The following STOX2 variants were observed in gnomAD, a reference collection of about 807,000 sequenced individuals.
The protein encoded by STOX2 is storkhead box 2.
Under a neutral mutation model 60.9 loss-of-function variants are expected in STOX2, and 28 were observed. That is an observed-to-expected ratio of 0.46 (90% CI 0.34 to 0.63). The LOEUF (loss-of-function observed/expected upper bound fraction) is 0.63. Among genes scored for constraint, STOX2 ranks in the 30% least tolerant of loss-of-function variants. STOX2 has a pLI of 0.01. For missense variants in STOX2, 1,024 were observed against 1,187.7 expected, an observed-to-expected ratio of 0.86 and a Z score of 2.03; for synonymous variants, 472 against 463.9, an observed-to-expected ratio of 1.02 and a Z score of -0.22.
intron 1 of STOX2, among the ~76,000 whole-genome samples, chr4:183,805,368 G>T (rs893421280): frequency 7.9e-5 from 12 of 152,122 alleles, no homozygotes; most frequent in African/African-American, 2.7e-4. Flanking sequence ...CTAACGATAT[G>T]GTCTATAGTT....
chr4:183,833,797 A>T (rs1358079194), intron 1 of STOX2, among the ~76,000 whole-genome samples: 3 of 148,294 alleles, frequency 2.0e-5, no homozygotes, highest in Non-Finnish European at 4.5e-5. Context: ...CCCGGCTAAA[A>T]ACGGTGAAAC....
rs34402224 is a variant in STOX2 at position 184,009,136 on chromosome 4, GT to G, written c.320-4del. The G allele has an allele frequency of 0.034, 24,286 of 709,230 alleles. 154 individuals carry two copies. The highest frequency in any genetic ancestry group is 0.11 in the African/African-American group (5,850 of 53,180). The allele number at this position is 709,230 out of a possible 1,614,324, so 43.9% of individuals were successfully genotyped here. A position where few individuals can be genotyped will look rare whatever the true frequency, so the allele number is the denominator to read the frequency against. The stretch of plus-strand genomic sequence containing the variant: ...TGTTCTGTCTTCATTCTCACAAGTG[GT>G]TTTTTTTTTTTTTTTTTCAGGTGTT... On this transcript the variant is annotated intron_variant, in intron 2 of 3. Coordinates refer to ENST00000308497, the MANE Select transcript of STOX2 (RefSeq NM_020225.3). The surrounding 1 kb of genome is among the most constrained non-coding windows in gnomAD (Gnocchi z 4.0).
intron 1 of STOX2, among the ~76,000 whole-genome samples, chr4:183,878,153 AC>A (rs906199929): frequency 3.3e-5 from 5 of 152,184 alleles, no homozygotes; most frequent in African/African-American, 1.2e-4. Context: ...TGTGATTTGC[AC>A]CCAGGAGATC....
intron 1 of STOX2, among the ~76,000 whole-genome samples, chr4:183,941,494 G>A (rs1221723072): frequency 2.0e-5 from 3 of 152,180 alleles, no homozygotes; most frequent in Admixed American, 6.5e-5. Flanking sequence ...CTTGAACACG[G>A]GAGGCAGAGG....
intron 1 of STOX2, among the ~76,000 whole-genome samples, chr4:183,946,100 C>T (rs896342564): frequency 3.9e-5 from 6 of 152,128 alleles, no homozygotes; most frequent in Non-Finnish European, 7.4e-5. Context: ...TGTTCTAAAA[C>T]AAATAAATAC....
chr4:183,824,765 T>C (rs1250820935), intron 1 of STOX2, among the ~76,000 whole-genome samples: 1 of 152,166 alleles, frequency 6.6e-6, no homozygotes, highest in Non-Finnish European at 1.5e-5. Flanking sequence ...CTAGGCGCCA[T>C]GGGAGAGGCA....
chr4:183,820,117 G>T (rs762065593), intron 1 of STOX2, among the ~76,000 whole-genome samples: 24 of 152,168 alleles, frequency 1.6e-4, no homozygotes, highest in Non-Finnish European at 2.2e-4. Context: ...AAGAGATGGG[G>T]TTTCACCATG....
At chr4:183,800,160 TA>T (rs1738727101) in intron 1 of STOX2, among the ~76,000 whole-genome samples, 1 of 150,372 alleles carries the variant, frequency 6.7e-6, no homozygotes, top group Non-Finnish European at 1.5e-5. Context: ...TTATCTACTA[TA>T]AAAATTCTCA....
rs572640014 is a variant in STOX2 at position 183,937,593 on chromosome 4, A to G, written c.166+30637A>G. Among the ~76,000 whole-genome samples the G allele has an allele frequency of 3.3e-5, 5 of 152,260 alleles. No homozygotes were observed. The East Asian group carries it at 9.7e-4, about 29-fold the overall frequency. ...AACACCAATAGCAGTTTGATATTTC[A>G]CCAACATCCAAGCTCATGATCAGTG... On this transcript the variant is annotated intron_variant, in intron 1 of 3. Transcript: ENST00000308497.
chr4:183,939,220 T>G (rs919559477), intron 1 of STOX2, among the ~76,000 whole-genome samples: 1 of 152,208 alleles, frequency 6.6e-6, no homozygotes, highest in Non-Finnish European at 1.5e-5. Flanking sequence ...TGAAGTGTAT[T>G]CTCTCACAGT....
At chr4:183,934,673 T>C (rs1742537644) in intron 1 of STOX2, among the ~76,000 whole-genome samples, 1 of 152,226 alleles carries the variant, frequency 6.6e-6, no homozygotes, top group African/African-American at 2.4e-5. Flanking sequence ...CCTTTTTTTT[T>C]CAAACAACAA....
At chr4:183,798,126 T>G (rs1489697873) in intron 1 of STOX2, 1 of 1,198,644 alleles carries the variant, frequency 8.3e-7, no homozygotes, top group Non-Finnish European at 1.0e-6. Flanking sequence ...CGGTCGCGGG[T>G]GCCCCGCCCT....
chr4:183,842,929 C>T (rs1401444782), intron 1 of STOX2, among the ~76,000 whole-genome samples: 2 of 151,682 alleles, frequency 1.3e-5, no homozygotes, highest in African/African-American at 4.8e-5. Flanking sequence ...GCGGGTGGAT[C>T]ACAAGGTCAG....
rs534104573 is a variant in STOX2, at chr4:184,012,227, G to T, written c.2585+804G>T. Among the ~76,000 whole-genome samples the T allele has an allele frequency of 2.0e-5, 3 of 152,314 alleles. No homozygotes were observed. The South Asian group carries it at 6.2e-4, about 32-fold the overall frequency. On this transcript the variant is annotated intron_variant, in intron 3 of 3. Coordinates refer to ENST00000308497, the MANE Select transcript of STOX2 (RefSeq NM_020225.3). ...GGATTCAGAAAGCAAACAAGAGTCT[G>T]TGCAACTTCCTTTTTTCTTCTTAAC...
At chr4:183,923,993 C>T (rs1009801141) in intron 1 of STOX2, among the ~76,000 whole-genome samples, 1 of 152,214 alleles carries the variant, frequency 6.6e-6, no homozygotes, top group Non-Finnish European at 1.5e-5. Context: ...TAAGCAGATA[C>T]ACATGTTAGC....
chr4:183,898,770 G>A, intron 1 of STOX2, among the ~76,000 whole-genome samples: 1 of 152,158 alleles, frequency 6.6e-6, no homozygotes, highest in Non-Finnish European at 1.5e-5. Context: ...TGGCAAGCAT[G>A]AAACCAAATA....
chr4:183,895,972 G>A lies in STOX2; in HGVS notation c.364+97917G>A, dbSNP rs537942894. On this transcript the variant is annotated intron_variant, in intron 1 of 2. Coordinates refer to the STOX2 transcript ENST00000513034. Reference sequence around the variant, plus strand: ...AAAGTCTTTCAGAGAACTGACCTGGGTTTGAATCCTGCAAGCAGGATACAT... The same window carrying A: ...AAAGTCTTTCAGAGAACTGACCTGGATTTGAATCCTGCAAGCAGGATACAT... Among the ~76,000 whole-genome samples, 3 of 152,300 alleles carry A rather than the reference G, an allele frequency of 2.0e-5. No homozygotes were observed. In the South Asian group the frequency reaches 6.2e-4, roughly 32 times the overall value.
At chr4:183,870,233 T>C (rs1342336651) in intron 1 of STOX2, among the ~76,000 whole-genome samples, 1 of 152,228 alleles carries the variant, frequency 6.6e-6, no homozygotes, top group Non-Finnish European at 1.5e-5. Context: ...TTTGGGAACT[T>C]GCGCGACATT....
At chr4:184,012,227 G>A (rs534104573) in intron 3 of STOX2, among the ~76,000 whole-genome samples, 1 of 152,196 alleles carries the variant, frequency 6.6e-6, no homozygotes, top group Non-Finnish European at 1.5e-5. Flanking sequence ...ACAAGAGTCT[G>A]TGCAACTTCC....
Sources: gnomAD v4.1 joint callset for allele counts (sites outside exome capture counted in the v4.1 genomes callset) on GRCh38, gnomAD v4.1.1 for gene constraint, Gnocchi (gnomAD v3.1) non-coding constraint, MANE v1.5 for transcripts, NCBI Gene and HGNC (gene_info 2026-07-23, HGNC 2026-07-21) for gene names.